The following RALGAPA1 variants were observed in gnomAD, a reference collection of about 807,000 sequenced individuals.
The protein encoded by RALGAPA1 is Ral GTPase activating protein catalytic subunit alpha 1.
A neutral mutation model predicts 269.6 loss-of-function variants in RALGAPA1; 52 were observed. The ratio of observed to expected loss-of-function variants is 0.19; its 90% CI spans 0.15 to 0.24. The LOEUF (loss-of-function observed/expected upper bound fraction) is 0.24. Ranked by LOEUF, RALGAPA1 falls within the 10% of genes least tolerant of loss-of-function variation. The pLI is 1.00. For missense variants in RALGAPA1, 1,917 were observed against 3,013.9 expected (o/e 0.64, Z 8.52); for synonymous variants, 817 against 1,008.3 (o/e 0.81, Z 3.60).
chr14:35,766,097 T>G, intron 4 of RALGAPA1: 13 of 1,119,864 alleles, frequency 1.2e-5, no homozygotes, highest in Non-Finnish European at 1.6e-5. Context: ...GCTATGCGGC[T>G]TTAGGATCAG....
At chr14:35,727,011 C>T (rs1023127333) in intron 13 of RALGAPA1, among the ~76,000 whole-genome samples, 2 of 151,764 alleles carry the variant, frequency 1.3e-5, no homozygotes, top group Non-Finnish European at 2.9e-5. Context: ...AATAAGTGTC[C>T]CAAATGTGTT....
chr14:35,702,725 A>AT (rs33981277), intron 16 of RALGAPA1, among the ~76,000 whole-genome samples: 6,730 of 77,026 alleles, frequency 0.087, 436 homozygotes, highest in African/African-American at 0.19. Context: ...TAAAAAAAAA[A>AT]AATATATATA....
At chr14:35,641,762 T>C (rs575484392) in intron 31 of RALGAPA1, among the ~76,000 whole-genome samples, 1 of 152,264 alleles carries the variant, frequency 6.6e-6, no homozygotes, top group Middle Eastern at 3.4e-3. Context: ...AAAATTTATA[T>C]GCAACAATAA....
Position 35,689,769 on chromosome 14 carries a change from G to A in RALGAPA1, c.2642C>T (p.Ser881Phe). ...GCTTTCAGTGGATCTAGTTATTGAA[G>A]AAGCCTCTGTGGAACTCTGCAAGCT... ...APSLQSSTEASSITRSTESHI... is the reference protein window; with the variant it reads ...APSLQSSTEAFSITRSTESHI... Residue 881 changes from serine (S) to phenylalanine (F), a missense_variant, in exon 18 of 42, where the codon TCT (serine) becomes TTT (phenylalanine). Transcript: ENST00000680220. 6.6e-7 allele frequency: 1 copy of A among 1,509,474 alleles called. No individual in the cohort carries two copies. The highest frequency in any genetic ancestry group is 8.8e-7 in the Non-Finnish European group (1 of 1,136,922). The allele number at this position is 1,509,474 out of a possible 1,614,324, so 93.5% of individuals were successfully genotyped here.
chr14:35,698,734 T>C (rs936465141), intron 17 of RALGAPA1, among the ~76,000 whole-genome samples: 6 of 152,132 alleles, frequency 3.9e-5, no homozygotes, highest in African/African-American at 1.4e-4. Flanking sequence ...CAGAGTTTCT[T>C]TTAGCTGTAT....
At chr14:35,664,067 G>A (rs1230926215) in intron 27 of RALGAPA1, among the ~76,000 whole-genome samples, 1 of 152,148 alleles carries the variant, frequency 6.6e-6, no homozygotes, top group Non-Finnish European at 1.5e-5. Context: ...GATCTGGTAT[G>A]TCTTCTCCTA....
intron 11 of RALGAPA1, among the ~76,000 whole-genome samples, chr14:35,739,031 A>T (rs2071305786): frequency 3.6e-5 from 1 of 28,144 alleles, no homozygotes; most frequent in Admixed American, 6.2e-4. Flanking sequence ...CCAGAATTCA[A>T]ATAAATGACA....
chr14:35,782,303 T>A (rs2075488681), intron 1 of RALGAPA1, among the ~76,000 whole-genome samples: 1 of 152,154 alleles, frequency 6.6e-6, no homozygotes, highest in Non-Finnish European at 1.5e-5. Flanking sequence ...TACAAAACAT[T>A]ACTGAAAAAA....
chr14:35,560,248 C>A (rs2056076004), intron 39 of RALGAPA1, among the ~76,000 whole-genome samples: 1 of 152,150 alleles, frequency 6.6e-6, no homozygotes, highest in Non-Finnish European at 1.5e-5. Flanking sequence ...TGTTTATTTT[C>A]TTTCTGCTTG....
chr14:35,776,832 C>T (rs1158270361), intron 1 of RALGAPA1, among the ~76,000 whole-genome samples: 1 of 151,916 alleles, frequency 6.6e-6, no homozygotes, highest in Non-Finnish European at 1.5e-5. Context: ...AACAAACCTG[C>T]ACGTTGTGCA....
intron 37 of RALGAPA1, among the ~76,000 whole-genome samples, chr14:35,583,030 G>A (rs1459887976): frequency 2.6e-5 from 4 of 152,128 alleles, no homozygotes; most frequent in Non-Finnish European, 5.9e-5. Context: ...TCCTTTTACT[G>A]AGCATATGTT....
In RALGAPA1 at chr14:35,595,793, G is replaced by A; in HGVS notation, c.7054-4C>T. The A allele has an allele frequency of 3.7e-6, 6 of 1,607,332 alleles. No homozygotes were observed. The highest frequency in any genetic ancestry group is 5.1e-6 in the Non-Finnish European group (6 of 1,176,506). ...CACAATGGTTTGTAAGATTTACCTA[G>A]AAGTAATGAAGAGTCACATAAATTA... On this transcript the variant is annotated splice_polypyrimidine_tract_variant and splice_region_variant and intron_variant, in intron 36 of 41. Transcript: ENST00000680220.
chr14:35,578,841 A>G (rs541596621), intron 37 of RALGAPA1, among the ~76,000 whole-genome samples: 9 of 152,342 alleles, frequency 5.9e-5, no homozygotes, highest in Middle Eastern at 3.4e-3. Context: ...AACATTTGTT[A>G]AATGCCAACA....
Position 35,674,166 on chromosome 14 carries a change from T to G in RALGAPA1, c.4917+14A>C. 1 of 1,550,528 alleles carries G rather than the reference T, an allele frequency of 6.4e-7. No individual in the cohort carries two copies. On this transcript the variant is annotated intron_variant, in intron 24 of 41. Transcript: ENST00000680220. ...TGAGAAGTTTTAAACTAATATTTTA[T>G]ATATTAAGCTTACCTTAAAAAGCCA...
chr14:35,636,787 C>A (rs896896118), intron 31 of RALGAPA1, among the ~76,000 whole-genome samples: 17 of 152,178 alleles, frequency 1.1e-4, no homozygotes, highest in Non-Finnish European at 2.2e-4. Context: ...TCTCAAAGTG[C>A]TCAGATTACA....
At chr14:35,741,638 C>T (rs116872158) in intron 11 of RALGAPA1, among the ~76,000 whole-genome samples, 2,177 of 152,278 alleles carry the variant, frequency 0.014, 18 homozygotes, top group Middle Eastern at 0.051. Flanking sequence ...ATGTATCAAT[C>T]GCAGACAACT....
intron 35 of RALGAPA1, among the ~76,000 whole-genome samples, chr14:35,617,555 T>A (rs960147581): frequency 7.1e-6 from 1 of 140,526 alleles, no homozygotes; most frequent in African/African-American, 2.7e-5. Context: ...AAGGCGGAGG[T>A]TGCAGTGAGC....
chr14:35,769,883 A>C (rs956997384), intron 4 of RALGAPA1, among the ~76,000 whole-genome samples: 1 of 152,212 alleles, frequency 6.6e-6, no homozygotes, highest in African/African-American at 2.4e-5. Context: ...TATTTAAAGA[A>C]GAAAATGTTA....
chr14:35,565,904 A>G (rs1220141441), intron 39 of RALGAPA1, among the ~76,000 whole-genome samples: 1 of 152,186 alleles, frequency 6.6e-6, no homozygotes, highest in Admixed American at 6.5e-5. Context: ...GGCTGAGGTC[A>G]TGAAATTAAT....
Sources: allele counts gnomAD v4.1 joint callset (sites outside exome capture counted in the v4.1 genomes callset), GRCh38; gene constraint gnomAD v4.1.1; transcripts MANE v1.5; gene names NCBI Gene and HGNC (gene_info 2026-07-23, HGNC 2026-07-21).